PRUNE2: variants seen among roughly 807,000 people sequenced by gnomAD.
PRUNE2 encodes the protein protein prune homolog 2.
A neutral mutation model predicts 252.0 loss-of-function variants in PRUNE2; 164 were observed. The ratio of observed to expected loss-of-function variants is 0.65; its 90% CI spans 0.57 to 0.74. The LOEUF is 0.74. Among genes scored for constraint, PRUNE2 ranks in the 30% least tolerant of loss-of-function variants. The pLI is 0.00. For missense variants in PRUNE2, 3,495 were observed against 3,711.0 expected, an observed-to-expected ratio of 0.94 and a Z score of 1.51; for synonymous variants, 1,292 against 1,350.2, an observed-to-expected ratio of 0.96 and a Z score of 0.94.
chr9:76,696,204 G>C (rs747291232), intron 9 of PRUNE2, among the ~76,000 whole-genome samples: 3 of 152,138 alleles, frequency 2.0e-5, no homozygotes, highest in Non-Finnish European at 2.9e-5. Context: ...GATAGCCTTT[G>C]TTCCTGAAGA....
intron 1 of PRUNE2, among the ~76,000 whole-genome samples, chr9:76,870,703 A>G (rs981481422): frequency 6.6e-6 from 1 of 150,662 alleles, no homozygotes; most frequent in African/African-American, 2.5e-5. Context: ...AAAAAAAAAA[A>G]TCCTCAATGG....
At chr9:76,669,548 G>A in intron 9 of PRUNE2, among the ~76,000 whole-genome samples, 1 of 152,124 alleles carries the variant, frequency 6.6e-6, no homozygotes, top group East Asian at 1.9e-4. Flanking sequence ...TTGAACTCCT[G>A]ACCTCAGGTG....
chr9:76,774,427 C>A (rs575105338), intron 6 of PRUNE2, among the ~76,000 whole-genome samples: 15 of 135,786 alleles, frequency 1.1e-4, no homozygotes, highest in Non-Finnish European at 2.3e-4. Flanking sequence ...CATGAGCCAT[C>A]GTTCCTGGCC....
At chr9:76,690,410 A>G (rs931825889) in intron 9 of PRUNE2, among the ~76,000 whole-genome samples, 8 of 152,228 alleles carry the variant, frequency 5.3e-5, no homozygotes, top group Admixed American at 1.3e-4. Flanking sequence ...TTTGCTGTAG[A>G]TAAACCTAAG....
At chr9:76,700,956 G>A (rs1015246877) in intron 9 of PRUNE2, among the ~76,000 whole-genome samples, 9 of 152,186 alleles carry the variant, frequency 5.9e-5, no homozygotes, top group Non-Finnish European at 2.9e-5. Context: ...ATTGGGCATT[G>A]ACTAGCTTGA....
At chr9:76,746,446 C>T (rs2050110844) in intron 6 of PRUNE2, among the ~76,000 whole-genome samples, 1 of 152,034 alleles carries the variant, frequency 6.6e-6, no homozygotes, top group South Asian at 2.1e-4. Flanking sequence ...TGGCTCACGC[C>T]TGTAATCCCA....
intron 11 of PRUNE2, among the ~76,000 whole-genome samples, chr9:76,647,635 AG>A (rs1845493837): frequency 6.6e-6 from 1 of 152,216 alleles, no homozygotes; most frequent in Non-Finnish European, 1.5e-5. Flanking sequence ...ATATCTGATG[AG>A]GACTGTTATC....
intron 1 of PRUNE2, among the ~76,000 whole-genome samples, chr9:76,864,421 C>T (rs1014777615): frequency 6.6e-5 from 10 of 152,108 alleles, no homozygotes; most frequent in Non-Finnish European, 2.9e-5. Context: ...TGTAACAAAC[C>T]TGCATATGTA....
chr9:76,893,628 C>T (rs550627005), intron 1 of PRUNE2, among the ~76,000 whole-genome samples: 17 of 152,338 alleles, frequency 1.1e-4, no homozygotes, highest in African/African-American at 3.8e-4. Flanking sequence ...TTGATTTGTA[C>T]AGAGATGTTG....
intron 9 of PRUNE2, among the ~76,000 whole-genome samples, chr9:76,690,789 C>T (rs1041615586): frequency 2.6e-5 from 4 of 152,164 alleles, no homozygotes; most frequent in Admixed American, 2.0e-4. Context: ...TTAGGTGCTG[C>T]TGACTTCCAA....
chr9:76,663,960 A>G (rs2039632572), intron 9 of PRUNE2, among the ~76,000 whole-genome samples: 1 of 152,184 alleles, frequency 6.6e-6, no homozygotes, highest in African/African-American at 2.4e-5. Context: ...AGGGATCTCA[A>G]ACTGAACATG....
At chr9:76,695,537 G>A (rs1004962373) in intron 9 of PRUNE2, among the ~76,000 whole-genome samples, 1 of 152,168 alleles carries the variant, frequency 6.6e-6, no homozygotes, top group Non-Finnish European at 1.5e-5. Flanking sequence ...CTGAAAATGG[G>A]TAACTATGGC....
At chr9:76,843,610 AT>A (rs1370419263) in intron 4 of PRUNE2, among the ~76,000 whole-genome samples, 2 of 152,106 alleles carry the variant, frequency 1.3e-5, no homozygotes, top group Non-Finnish European at 2.9e-5. Context: ...TGCTAAAGTT[AT>A]TTTATAGGAA....
At chr9:76,732,452 T>A (rs991801680) in intron 6 of PRUNE2, among the ~76,000 whole-genome samples, 2 of 152,222 alleles carry the variant, frequency 1.3e-5, no homozygotes, top group Admixed American at 1.3e-4. Flanking sequence ...TTTGGCTTGG[T>A]TTTTGACATG....
rs1449793717 is a variant in PRUNE2, at chr9:76,658,032, C to T, written c.8277-2530G>A. Among the ~76,000 whole-genome samples, 12 of 152,100 alleles carry T rather than the reference C, an allele frequency of 7.9e-5. 1 individual carries two copies. Among genetic ancestry groups the T allele is most frequent in the Admixed American group, 7.9e-4 (12 of 15,270 alleles). ...TGAAGGCTGTGATCAGCGGATGACCCAAGGAGAGAGATTCACACAAACCCA... is the reference window on the plus strand; with the variant it reads ...TGAAGGCTGTGATCAGCGGATGACCTAAGGAGAGAGATTCACACAAACCCA... On this transcript the variant is annotated intron_variant, in intron 9 of 18. Coordinates refer to ENST00000376718, the MANE Select transcript of PRUNE2 (RefSeq NM_015225.3).
intron 1 of PRUNE2, among the ~76,000 whole-genome samples, chr9:76,883,738 T>C (rs892489266): frequency 7.2e-5 from 11 of 152,170 alleles, no homozygotes; most frequent in Admixed American, 3.9e-4. Flanking sequence ...CTACTACTTA[T>C]ACTGTGGAGA....
chr9:76,683,105 T>C (rs2043655390), intron 9 of PRUNE2, among the ~76,000 whole-genome samples: 1 of 152,176 alleles, frequency 6.6e-6, no homozygotes, highest in South Asian at 2.1e-4. Flanking sequence ...AGTCCCAGGG[T>C]TTGAGGGATG....
At chr9:76,659,964 A>G (rs1485613313) in intron 9 of PRUNE2, among the ~76,000 whole-genome samples, 2 of 151,972 alleles carry the variant, frequency 1.3e-5, no homozygotes, top group Non-Finnish European at 2.9e-5. Flanking sequence ...TCTTTGCTAA[A>G]AGAGAGATGT....
At chr9:76,688,619 C>T (rs1052797734) in intron 9 of PRUNE2, among the ~76,000 whole-genome samples, 4 of 152,174 alleles carry the variant, frequency 2.6e-5, no homozygotes, top group Admixed American at 6.5e-5. Context: ...ATCCCAGGAA[C>T]AGTTCCAGCC....
Sources: allele counts gnomAD v4.1 joint callset (sites outside exome capture counted in the v4.1 genomes callset), GRCh38; gene constraint gnomAD v4.1.1; transcripts MANE v1.5; gene names NCBI Gene and HGNC (gene_info 2026-07-23, HGNC 2026-07-21).